The following DOCK9 variants were observed in gnomAD, a reference collection of about 807,000 sequenced individuals.
The protein encoded by DOCK9 is dedicator of cytokinesis 9.
In DOCK9, 89 loss-of-function variants were observed where a neutral mutation model predicts 263.3. The observed-to-expected ratio is 0.34, with a 90% CI of 0.28 to 0.40. The LOEUF is 0.40. Among genes scored for constraint, DOCK9 ranks in the 10% least tolerant of loss-of-function variants. The pLI is 1.00. For synonymous variants in DOCK9, 976 were observed against 973.1 expected, an observed-to-expected ratio of 1.00 and a Z score of -0.06; for missense variants, 2,140 against 2,603.4, an observed-to-expected ratio of 0.82 and a Z score of 3.87.
intron 18 of DOCK9, among the ~76,000 whole-genome samples, chr13:98,887,141 A>ATTTT (rs1335567169): frequency 6.7e-5 from 4 of 59,634 alleles, no homozygotes; most frequent in African/African-American, 1.5e-4. Flanking sequence ...ATATATATAT[A>ATTTT]TATTTTTTTT....
intron 45 of DOCK9, among the ~76,000 whole-genome samples, chr13:98,819,519 C>T (rs2092129675): frequency 6.6e-6 from 1 of 152,188 alleles, no homozygotes; most frequent in African/African-American, 2.4e-5. Flanking sequence ...AGACCTCTGG[C>T]CCCCAGCTCA....
At chr13:98,856,212 G>C in intron 33 of DOCK9, 181 bp from the exon 34 acceptor site, 2 of 558,094 alleles carry the variant, frequency 3.6e-6, no homozygotes. Flanking sequence ...GAGATAAAAA[G>C]AAACTAGTCT....
In DOCK9 at chr13:98,794,462, C is replaced by CCT; in HGVS notation, c.*163_*164insAG. 1.4e-6 allele frequency: 1 copy of CCT among 736,146 alleles called. No homozygotes were observed. 45.6% of individuals were successfully genotyped at this position (736,146 alleles called of 1,614,324 possible). A position where few individuals can be genotyped will look rare whatever the true frequency, so the allele number is the denominator to read the frequency against. ...AAAAAATATGTGCACCTTCTTACAA[C>CCT]TCCTATAGAAAGTCTGTTAAGAAAT... On this transcript the variant is annotated 3_prime_UTR_variant, in exon 53 of 53. Transcript: ENST00000682017.
intron 33 of DOCK9, chr13:98,858,920 G>A (rs2093775787): frequency 6.6e-6 from 1 of 152,230 alleles, no homozygotes; most frequent in African/African-American, 2.4e-5. Context: ...AAATGATCAA[G>A]GTTACAGTGA....
chr13:99,025,618 G>A (rs1202984819), intron 1 of DOCK9, among the ~76,000 whole-genome samples: 3 of 152,214 alleles, frequency 2.0e-5, no homozygotes, highest in African/African-American at 7.2e-5. Context: ...GCAAAACAGC[G>A]TAGCCGCTAT....
intron 19 of DOCK9, among the ~76,000 whole-genome samples, chr13:98,886,307 T>C (rs1183319844): frequency 6.6e-6 from 1 of 152,252 alleles, no homozygotes; most frequent in East Asian, 1.9e-4. Context: ...TTATGACTTT[T>C]TCTTTTCTGT....
chr13:98,862,640 G>T (rs770876696), intron 32 of DOCK9, among the ~76,000 whole-genome samples: 1 of 151,716 alleles, frequency 6.6e-6, no homozygotes, highest in Non-Finnish European at 1.5e-5. Flanking sequence ...AGTGAGCCCA[G>T]ATTGTGCCAC....
intron 8 of DOCK9, among the ~76,000 whole-genome samples, chr13:98,915,040 A>C (rs2050662728): frequency 1.3e-5 from 2 of 152,164 alleles, no homozygotes. Flanking sequence ...TAAGTTGTTT[A>C]CCCAGGGCTA....
chr13:98,815,584 C>A (rs1013673892), intron 45 of DOCK9, among the ~76,000 whole-genome samples: 1 of 152,118 alleles, frequency 6.6e-6, no homozygotes, highest in Non-Finnish European at 1.5e-5. Context: ...GGGTTCATGG[C>A]CATTCTCCTA....
At chr13:98,956,008 C>T (rs955055544) in intron 1 of DOCK9, among the ~76,000 whole-genome samples, 5 of 152,198 alleles carry the variant, frequency 3.3e-5, no homozygotes, top group Non-Finnish European at 5.9e-5. Flanking sequence ...GGCTCCAAGA[C>T]GCCCTTCTCT....
At chr13:98,905,136 T>C (rs1195608049) in intron 9 of DOCK9, among the ~76,000 whole-genome samples, 2 of 152,108 alleles carry the variant, frequency 1.3e-5, no homozygotes, top group African/African-American at 4.8e-5. Context: ...CAGGATTTAA[T>C]AGAGTCCAGT....
At chr13:99,023,717 T>C (rs9669979) in intron 1 of DOCK9, among the ~76,000 whole-genome samples, 2,414 of 152,340 alleles carry the variant, frequency 0.016, 66 homozygotes, top group African/African-American at 0.054. Context: ...TAGAAACAGG[T>C]GAGGTGTAAG....
chr13:98,979,229 T>TAGTAGTAGCAGC (rs1555439294), upstream of DOCK9, among the ~76,000 whole-genome samples: 2 of 125,050 alleles, frequency 1.6e-5, no homozygotes, highest in African/African-American at 6.7e-5. Context: ...GTAGTAGTAG[T>TAGTAGTAGCAGC]AGCAGCAGCG....
chr13:98,878,659 G>A (rs2044251312), intron 27 of DOCK9, among the ~76,000 whole-genome samples: 1 of 152,252 alleles, frequency 6.6e-6, no homozygotes, highest in African/African-American at 2.4e-5. Context: ...GTAGAAGGCA[G>A]GGCCCACTTC....
At chr13:99,066,174 T>C (rs575833677) in intron 1 of DOCK9, among the ~76,000 whole-genome samples, 1 of 152,236 alleles carries the variant, frequency 6.6e-6, no homozygotes, top group African/African-American at 2.4e-5. Context: ...AGCATGTTTC[T>C]TGGCACTCAA....
chr13:98,961,325 G>A (rs1390044774), intron 1 of DOCK9, among the ~76,000 whole-genome samples: 1 of 152,174 alleles, frequency 6.6e-6, no homozygotes, highest in Admixed American at 6.5e-5. Context: ...CAGCAAAGAG[G>A]CAATGTTGCG....
chr13:98,839,177 C>G (rs2093119437), intron 38 of DOCK9, among the ~76,000 whole-genome samples: 2 of 152,232 alleles, frequency 1.3e-5, no homozygotes, highest in Admixed American at 1.3e-4. Context: ...CACTTCCACT[C>G]TGCAGCACAG....
intron 45 of DOCK9, among the ~76,000 whole-genome samples, chr13:98,814,937 AAATAAAATAAAAT>A (rs2091686265): frequency 4.6e-4 from 1 of 2,164 alleles, no homozygotes; most frequent in Non-Finnish European, 3.5e-3. Flanking sequence ...TTCTGTCTCA[AAATAAAATAAAAT>A]AAAATAAAAT....
intron 1 of DOCK9, among the ~76,000 whole-genome samples, chr13:99,023,153 G>A (rs1340289161): frequency 6.6e-6 from 1 of 152,218 alleles, no homozygotes; most frequent in Non-Finnish European, 1.5e-5. Context: ...GAAGAGAGAT[G>A]TGCACACCCA....
Sources: gnomAD v4.1 joint callset for allele counts (sites outside exome capture counted in the v4.1 genomes callset) on GRCh38, gnomAD v4.1.1 for gene constraint, MANE v1.5 for transcripts, NCBI Gene and HGNC (gene_info 2026-07-23, HGNC 2026-07-21) for gene names.